Variants in RNF126 observed in about 807,000 individuals in gnomAD.
RNF126 encodes the protein E3 ubiquitin-protein ligase RNF126.
A neutral mutation model predicts 41.9 loss-of-function variants in RNF126; 20 were observed. The ratio of observed to expected loss-of-function variants is 0.48; its 90% CI spans 0.34 to 0.69. RNF126 has a LOEUF of 0.69. Ranked by LOEUF, RNF126 falls within the 30% of genes least tolerant of loss-of-function variation. RNF126 has a pLI of 0.01. For synonymous variants in RNF126, 239 were observed against 202.9 expected, an observed-to-expected ratio of 1.18 and a Z score of -1.51; for missense variants, 433 against 460.6, an observed-to-expected ratio of 0.94 and a Z score of 0.55.
intron 6 of RNF126, 163 bp from the exon 7 acceptor site, chr19:649,138 C>CA (rs2030129305): frequency 5.2e-6 from 2 of 381,942 alleles, no homozygotes; most frequent in Non-Finnish European, 4.6e-6. Context: ...GGAGCCCACG[C>CA]GGCCCCCCCG....
intron 1 of RNF126, 29 bp from the exon 2 acceptor site, chr19:652,913 C>T (rs376774192): frequency 2.0e-5 from 32 of 1,600,772 alleles, no homozygotes; most frequent in African/African-American, 1.7e-4. Flanking sequence ...GGCCGGGTCA[C>T]GGTGACGCCG....
chr19:652,259 T>A lies in RNF126; in HGVS notation c.172A>T (p.Thr58Ser). ...TCCAACGGTGGCCGGCTCTGGTCTG[T>A]GGGAGCTGTGGAGGGGGCAGAACCA... ...ENGSAPSTAP[T>S]DQSRPPLEHV... Residue 58 changes from threonine (T) to serine (S), a missense_variant, in exon 3 of 9, where the codon ACA (threonine) becomes TCA (serine). Transcript: ENST00000292363. The A allele has an allele frequency of 2.6e-6, 4 of 1,549,640 alleles. No homozygotes were observed. Among genetic ancestry groups the A allele is most frequent in the Non-Finnish European group, 3.5e-6 (4 of 1,157,840 alleles).
At chr19:655,519 G>A (rs1178202276) in intron 1 of RNF126, among the ~76,000 whole-genome samples, 1 of 151,848 alleles carries the variant, frequency 6.6e-6, no homozygotes, top group African/African-American at 2.4e-5. Flanking sequence ...GAAAGGACGT[G>A]TACAGGACAT....
intron 1 of RNF126, 145 bp from the exon 2 acceptor site, chr19:653,029 T>C: frequency 2.7e-6 from 2 of 741,256 alleles, no homozygotes; most frequent in Middle Eastern, 2.8e-4. Context: ...AACCCGTGGG[T>C]CCTGGAGGGC....
At chr19:662,342 A>C (rs1253373552) in intron 1 of RNF126, among the ~76,000 whole-genome samples, 2 of 152,166 alleles carry the variant, frequency 1.3e-5, no homozygotes, top group Non-Finnish European at 2.9e-5. Context: ...GCCCAGGCCC[A>C]GGGTCCTCTT....
chr19:649,162 T>G, intron 6 of RNF126, 187 bp from the exon 7 acceptor site: 1 of 258,046 alleles, frequency 3.9e-6, no homozygotes. Context: ...CTGGGTCCCC[T>G]GACGGTGGAA....
rs1600647327 is a variant in RNF126, at chr19:663,141, GCGCCGCCCGCCCCCCGCGCGGCACC to G, written c.-45_-21del. The G allele has an allele frequency of 7.6e-6, 9 of 1,179,012 alleles. No homozygotes were observed. Among genetic ancestry groups the G allele is most frequent in the African/African-American group, 1.6e-5 (1 of 61,548 alleles). 73.0% of individuals were successfully genotyped at this position (1,179,012 alleles called of 1,614,324 possible). ...GGCCATGGCCGCCGCCACCTACTCC[GCGCCGCCCGCCCCCCGCGCGGCACC>G]CGCCGCCGGCCGTTTGCTGCTCCCT... On this transcript the variant is annotated 5_prime_UTR_variant, in exon 1 of 9. Transcript: ENST00000292363.
At chr19:656,383 G>A (rs1388644249) in intron 1 of RNF126, among the ~76,000 whole-genome samples, 7 of 152,110 alleles carry the variant, frequency 4.6e-5, no homozygotes, top group Admixed American at 4.6e-4. Flanking sequence ...GCTGGGCACA[G>A]TGGCTCACAC....
At chr19:648,579 C>T in intron 7 of RNF126, 92 bp from the exon 8 acceptor site, 5 of 1,049,782 alleles carry the variant, frequency 4.8e-6, no homozygotes, top group South Asian at 1.4e-5. Context: ...CCGGAGGCCG[C>T]CCCTGAGCCC....
chr19:655,209 G>A (rs2030510046), intron 1 of RNF126, among the ~76,000 whole-genome samples: 1 of 151,990 alleles, frequency 6.6e-6, no homozygotes, highest in Non-Finnish European at 1.5e-5. Flanking sequence ...AGGAGGGGGA[G>A]GAGACAGGCA....
At chr19:651,912 G>C (rs1336107112) in intron 3 of RNF126, 57 bp from the exon 4 acceptor site, 1 of 1,487,768 alleles carries the variant, frequency 6.7e-7, no homozygotes, top group African/African-American at 1.4e-5. Context: ...GTCTGCTGGG[G>C]GCGCTAGGGC....
At chr19:650,816 C>T (rs2030241690) in intron 4 of RNF126, among the ~76,000 whole-genome samples, 2 of 152,034 alleles carry the variant, frequency 1.3e-5, no homozygotes, top group South Asian at 4.2e-4. Flanking sequence ...TGGTCTCAAA[C>T]TCCTGACCTC....
At chr19:658,612 C>T (rs1207744229) in intron 1 of RNF126, among the ~76,000 whole-genome samples, 1 of 152,196 alleles carries the variant, frequency 6.6e-6, no homozygotes, top group African/African-American at 2.4e-5. Context: ...TCTTCCCGCC[C>T]TCAGCAGCTG....
At chr19:654,353 C>T (rs995292581) in intron 1 of RNF126, among the ~76,000 whole-genome samples, 47 of 152,302 alleles carry the variant, frequency 3.1e-4, no homozygotes, top group African/African-American at 8.2e-4. Context: ...CGGCACGCTC[C>T]GCCATCACCG....
intron 1 of RNF126, among the ~76,000 whole-genome samples, chr19:655,882 G>A (rs574344612): frequency 9.9e-5 from 15 of 151,568 alleles, no homozygotes; most frequent in African/African-American, 2.6e-4. Flanking sequence ...AGGCCACGGC[G>A]GGGGGGAGGG....
chr19:651,653 C>T lies in RNF126; in HGVS notation c.401G>A (p.Arg134Gln), dbSNP rs757042113. Reference sequence around the variant, plus strand: ...GCCTTCGTGCCGGCCGGTGGCCCGCCGCGTGGTGAGGCGGGCGCGGGGCTG... The same window carrying T: ...GCCTTCGTGCCGGCCGGTGGCCCGCTGCGTGGTGAGGCGGGCGCGGGGCTG... ...ARQPRARLTT[R>Q]RATGRHEGVP... The change falls in exon 4 of 9, where the codon CGG becomes CAG. Residue 134 changes from arginine (R) to glutamine (Q), a missense_variant. Around this residue, in one of 5 missense-constraint regions of RNF126, gnomAD observed 247 missense variants for 224.7 expected, o/e 1.10. Transcript: ENST00000292363. 1.2e-4 allele frequency: 182 copies of T among 1,528,704 alleles called. No homozygotes were observed. Among genetic ancestry groups the T allele is most frequent in the East Asian group, 1.7e-4 (7 of 40,996 alleles). 94.7% of individuals were successfully genotyped at this position (1,528,704 alleles called of 1,614,324 possible).
intron 4 of RNF126, 145 bp downstream of exon 4, chr19:651,466 G>T: frequency 1.3e-6 from 1 of 744,890 alleles, no homozygotes. Flanking sequence ...GGAGTCACAG[G>T]GGGCTGGAGG....
intron 3 of RNF126, 89 bp downstream of exon 3, chr19:652,144 A>T: frequency 8.9e-7 from 1 of 1,122,424 alleles, no homozygotes. Context: ...GGGCAGGGAG[A>T]GCCGGGGAGG....
intron 7 of RNF126, 129 bp from the exon 8 acceptor site, chr19:648,616 G>C: frequency 1.3e-6 from 1 of 764,330 alleles, no homozygotes. Flanking sequence ...CCGTGTGTGT[G>C]TCCCCCGGGC....
Sources: gnomAD v4.1 joint callset for allele counts (sites outside exome capture counted in the v4.1 genomes callset) on GRCh38, gnomAD v4.1.1 for gene constraint, gnomAD v4.1.1 regional missense constraint, MANE v1.5 for transcripts, NCBI Gene and HGNC (gene_info 2026-07-23, HGNC 2026-07-21) for gene names.